Variants in STK32B observed in about 807,000 individuals in gnomAD.
STK32B encodes serine/threonine-protein kinase 32B.
Under a neutral mutation model 52.6 loss-of-function variants are expected in STK32B, and 43 were observed. The ratio of observed to expected loss-of-function variants is 0.82; its 90% CI spans 0.64 to 1.05. The LOEUF (loss-of-function observed/expected upper bound fraction) is 1.05. Among genes scored for constraint, STK32B ranks in the 50% least tolerant of loss-of-function variants. The pLI, the probability that STK32B is intolerant of heterozygous loss-of-function variation, is 0.00. For missense variants in STK32B, 621 were observed against 534.6 expected, an observed-to-expected ratio of 1.16 and a Z score of -1.59; for synonymous variants, 238 against 204.3, an observed-to-expected ratio of 1.17 and a Z score of -1.41.
chr4:5,497,614 T>G (rs562091989), intron 11 of STK32B, among the ~76,000 whole-genome samples: 1 of 152,338 alleles, frequency 6.6e-6, no homozygotes, highest in African/African-American at 2.4e-5. Flanking sequence ...ATTCGCTGTC[T>G]TATGAAACAC....
rs534875461 is a variant in STK32B, at chr4:5,395,019, G to T, written c.435-3188G>T. 1.3e-5 allele frequency among the ~76,000 whole-genome samples: 2 copies of T among 152,294 alleles called. No homozygotes were observed. The highest frequency in any genetic ancestry group is 3.9e-4 in the East Asian group (2 of 5,172). Reference sequence around the variant, plus strand: ...ACTCCTTTCTGGAACATGGGGTGGGGTTCTCTCCCAGGCTCTTGTGGTTGT... The same window carrying T: ...ACTCCTTTCTGGAACATGGGGTGGGTTTCTCTCCCAGGCTCTTGTGGTTGT... On this transcript the variant is annotated intron_variant, in intron 4 of 11. Transcript: ENST00000282908. This position sits in a 1 kb window ranked among gnomAD's most constrained non-coding sequence, Gnocchi z 4.4.
intron 3 of STK32B, among the ~76,000 whole-genome samples, chr4:5,242,262 C>G (rs191907116): frequency 6.6e-6 from 1 of 152,110 alleles, no homozygotes; most frequent in Admixed American, 6.5e-5. Context: ...TTTTAATGAT[C>G]GCCATTCTAA....
At chr4:5,446,116 C>T (rs1715395333) in intron 6 of STK32B, among the ~76,000 whole-genome samples, 1 of 152,240 alleles carries the variant, frequency 6.6e-6, no homozygotes. Context: ...ACGGCCCTTC[C>T]ATGCCCCCTC....
At chr4:5,442,553 T>C (rs1420701693) in intron 6 of STK32B, among the ~76,000 whole-genome samples, 1 of 151,098 alleles carries the variant, frequency 6.6e-6, no homozygotes, top group Non-Finnish European at 1.5e-5. Context: ...CTTGACTCTT[T>C]ATCCAATTTG....
chr4:5,314,114 C>G (rs889335551), intron 3 of STK32B, among the ~76,000 whole-genome samples: 1 of 127,048 alleles, frequency 7.9e-6, no homozygotes, highest in Non-Finnish European at 1.5e-5. Context: ...AATAGCTAAG[C>G]AATTTTGAAA....
intron 3 of STK32B, among the ~76,000 whole-genome samples, chr4:5,295,863 T>G (rs1291021541): frequency 6.6e-6 from 1 of 152,120 alleles, no homozygotes; most frequent in Non-Finnish European, 1.5e-5. Flanking sequence ...TGTGTTATGG[T>G]GTCGATTTTA....
intron 1 of STK32B, among the ~76,000 whole-genome samples, chr4:5,056,896 G>A (rs1201455193): frequency 1.3e-5 from 2 of 152,234 alleles, no homozygotes; most frequent in African/African-American, 4.8e-5. Flanking sequence ...AGTGGACGCT[G>A]GGTGGGCAGA....
At chr4:5,086,494 A>G (rs1458123848) in intron 1 of STK32B, among the ~76,000 whole-genome samples, 2 of 152,244 alleles carry the variant, frequency 1.3e-5, no homozygotes, top group South Asian at 2.1e-4. Context: ...TGTAGCAACC[A>G]TAATGGCAAC....
rs909929452 is a variant in STK32B at position 5,396,944 on chromosome 4, T to A, written c.435-1263T>A. On this transcript the variant is annotated intron_variant, in intron 4 of 11. Transcript: ENST00000282908. The surrounding 1 kb of genome is among the most constrained non-coding windows in gnomAD (Gnocchi z 4.7). ...TCTGCGGTAATCTCTTTGTTCACAG[T>A]GGAGGCTTTGTGACCTCGGCAGCAG... 6.6e-6 allele frequency among the ~76,000 whole-genome samples: 1 copy of A among 152,208 alleles called. No homozygotes were observed. The highest frequency in any genetic ancestry group is 1.5e-5 in the Non-Finnish European group (1 of 68,038).
At chr4:5,123,926 T>C (rs1715210739) in intron 1 of STK32B, among the ~76,000 whole-genome samples, 4 of 152,162 alleles carry the variant, frequency 2.6e-5, no homozygotes, top group African/African-American at 4.8e-5. Context: ...CTGCCTTTTA[T>C]TGATCACTTA....
chr4:5,284,950 G>A (rs901827728), intron 3 of STK32B, among the ~76,000 whole-genome samples: 2 of 152,240 alleles, frequency 1.3e-5, no homozygotes, highest in South Asian at 4.1e-4. Flanking sequence ...ACAAGAAAAA[G>A]TTAAATTGCC....
chr4:5,062,365 C>T (rs1156797233), intron 1 of STK32B, among the ~76,000 whole-genome samples: 1 of 152,192 alleles, frequency 6.6e-6, no homozygotes, highest in Non-Finnish European at 1.5e-5. Flanking sequence ...TTGGGACACA[C>T]ACAAAATGAG....
At position 5,431,263 on chromosome 4, in the gene STK32B, C is replaced by A. The variant is rs151251627; in HGVS notation, c.562+14329C>A. 3.1e-3 allele frequency among the ~76,000 whole-genome samples: 479 copies of A among 152,198 alleles called. 3 individuals carry two copies. The highest frequency in any genetic ancestry group is 0.01 in the Middle Eastern group (3 of 294). Reference sequence around the variant, plus strand: ...GGCCAGATCATGTATTACCTGTGTGCTACATTATAGCTTTTGGTTTTTTAT... The same window carrying A: ...GGCCAGATCATGTATTACCTGTGTGATACATTATAGCTTTTGGTTTTTTAT... On this transcript the variant is annotated intron_variant, in intron 6 of 11. Coordinates refer to ENST00000282908, the MANE Select transcript of STK32B (RefSeq NM_018401.3).
chr4:5,490,337 C>A (rs1719612381), intron 11 of STK32B, among the ~76,000 whole-genome samples: 1 of 151,916 alleles, frequency 6.6e-6, no homozygotes, highest in Non-Finnish European at 1.5e-5. Context: ...GAACTCCTGA[C>A]CTCAGGTGAT....
At chr4:5,089,676 G>C (rs71485195) in intron 1 of STK32B, among the ~76,000 whole-genome samples, 1 of 152,160 alleles carries the variant, frequency 6.6e-6, no homozygotes, top group Non-Finnish European at 1.5e-5. Flanking sequence ...GTGTGCATGT[G>C]TCTTTATAGT....
At chr4:5,216,556 A>G (rs1479884422) in intron 3 of STK32B, among the ~76,000 whole-genome samples, 1 of 152,184 alleles carries the variant, frequency 6.6e-6, no homozygotes, top group Non-Finnish European at 1.5e-5. Flanking sequence ...AGTTTGTACG[A>G]CTGAAAAGAG....
intron 11 of STK32B, among the ~76,000 whole-genome samples, chr4:5,490,399 G>A (rs1028063733): frequency 3.3e-5 from 5 of 152,166 alleles, no homozygotes; most frequent in East Asian, 1.9e-4. Flanking sequence ...GAGCCACCAC[G>A]CCTGGCCTGT....
intron 6 of STK32B, among the ~76,000 whole-genome samples, chr4:5,425,331 C>G (rs1713000281): frequency 6.6e-6 from 1 of 152,212 alleles, no homozygotes; most frequent in Non-Finnish European, 1.5e-5. Context: ...CATGGCAGTG[C>G]TGTGCACTCT....
intron 3 of STK32B, among the ~76,000 whole-genome samples, chr4:5,198,840 A>C (rs111978006): frequency 5.8e-4 from 88 of 152,262 alleles, no homozygotes; most frequent in African/African-American, 1.2e-3. Context: ...TGGCAGTCAC[A>C]ATGGCAGTTC....
Sources: allele counts gnomAD v4.1 joint callset (sites outside exome capture counted in the v4.1 genomes callset), GRCh38; gene constraint gnomAD v4.1.1; non-coding constraint Gnocchi (gnomAD v3.1); transcripts MANE v1.5; gene names NCBI Gene and HGNC (gene_info 2026-07-23, HGNC 2026-07-21).